MFGE8: variants seen among roughly 807,000 people sequenced by gnomAD.
MFGE8 encodes lactadherin.
MFGE8 carries 34 observed loss-of-function variants against 42.6 expected under a neutral mutation model. That is an observed-to-expected ratio of 0.80 (90% CI 0.61 to 1.06). The LOEUF (loss-of-function observed/expected upper bound fraction) is 1.06, where lower values mean the gene tolerates loss of function less well. MFGE8 is among the 50% of genes least tolerant of loss of function. MFGE8 has a pLI of 0.00. For synonymous variants in MFGE8, 230 were observed against 214.8 expected (o/e 1.07, Z -0.62); for missense variants, 510 against 516.9 (o/e 0.99, Z 0.13).
chr15:88,910,218 T>C (rs893912595), intron 1 of MFGE8: 34 of 382,866 alleles, frequency 8.9e-5, no homozygotes, highest in Non-Finnish European at 1.6e-4. Context: ...CACTGCCCAC[T>C]GGTGGAAGAG....
Position 88,908,583 on chromosome 15 carries a change from C to T in MFGE8, c.206-1207G>A, listed in dbSNP as rs114719693. ...CCTTCTTCCTGGGTGCAGCCATATC[C>T]AGCCTGGGGAAGATCCCAGGCCCAG... On this transcript the variant is annotated intron_variant, in intron 2 of 7. Coordinates refer to ENST00000268150, the MANE Select transcript of MFGE8 (RefSeq NM_005928.4). Among the ~76,000 whole-genome samples, 328 of 152,286 alleles carry T rather than the reference C, an allele frequency of 2.2e-3. 3 individuals carry two copies. Among genetic ancestry groups the T allele is most frequent in the African/African-American group, 7.5e-3 (311 of 41,574 alleles).
intron 1 of MFGE8, chr15:88,912,650 A>G (rs1596207195): frequency 1.0e-6 from 1 of 984,684 alleles, no homozygotes; most frequent in South Asian, 4.7e-5. Context: ...GAGTCAGGAG[A>G]CTCCCATCAG....
chr15:88,912,323 G>T, intron 1 of MFGE8: 2 of 1,263,576 alleles, frequency 1.6e-6, no homozygotes, highest in Non-Finnish European at 1.0e-6. Context: ...GCCGGGGAGG[G>T]CCAGGAGCTC....
Position 88,899,829 on chromosome 15 carries a change from C to A in MFGE8, c.871-18G>T. ...AGGTCCACCTACAGAAGAAACCAAC[C>A]ACATTTTCTCTGCTTGGACCATCTC... On this transcript the variant is annotated intron_variant, in intron 6 of 7. Transcript: ENST00000268150. The surrounding 1 kb of genome is among the most constrained non-coding windows in gnomAD (Gnocchi z 6.8). 6.2e-7 allele frequency: 1 copy of A among 1,613,886 alleles called. No homozygotes were observed. The highest frequency in any genetic ancestry group is 8.5e-7 in the Non-Finnish European group (1 of 1,179,816).
At chr15:88,911,464 T>C (rs937803447) in intron 1 of MFGE8, among the ~76,000 whole-genome samples, 18 of 152,174 alleles carry the variant, frequency 1.2e-4, no homozygotes, top group Admixed American at 9.8e-4. Context: ...GGCTCACACC[T>C]GTAATCCCAG....
intron 1 of MFGE8, chr15:88,911,985 T>C (rs1898982570): frequency 7.0e-6 from 4 of 574,330 alleles, no homozygotes; most frequent in South Asian, 1.7e-5. Flanking sequence ...GGGGCGAGCA[T>C]TGACACAGAC....
intron 2 of MFGE8, among the ~76,000 whole-genome samples, chr15:88,908,336 C>A (rs1278362007): frequency 6.6e-6 from 1 of 152,202 alleles, no homozygotes; most frequent in African/African-American, 2.4e-5. Flanking sequence ...GAGGCCAGAG[C>A]CTCAAGACCA....
intron 3 of MFGE8, 122 bp downstream of exon 3, chr15:88,907,073 G>T: frequency 1.6e-6 from 2 of 1,273,284 alleles, no homozygotes; most frequent in African/African-American, 1.5e-5. Context: ...TTCATCCATG[G>T]GAACCTGTTA....
rs1268329940 is a variant in MFGE8 at position 88,902,543 on chromosome 15, G to A, written c.686-808C>T. 1 of 152,250 alleles carries A rather than the reference G, an allele frequency of 6.6e-6. No individual in the cohort carries two copies. The highest frequency in any genetic ancestry group is 1.5e-5 in the Non-Finnish European group (1 of 68,078). The allele number at this position is 152,250 out of a possible 1,614,324, so 9.4% of individuals were successfully genotyped here. ...TTCCCCAGAAGCCCCCTGACTTAGT[G>A]TCTCCCAGAGGGCCTTCGCACACTC... is the stretch of plus-strand genomic sequence containing the variant. On this transcript the variant is annotated intron_variant, in intron 5 of 7. Coordinates refer to ENST00000268150, the MANE Select transcript of MFGE8 (RefSeq NM_005928.4). This position sits in a 1 kb window ranked among gnomAD's most constrained non-coding sequence, Gnocchi z 4.3.
At chr15:88,900,997 ACACATT>A (rs1898337447) in intron 6 of MFGE8, among the ~76,000 whole-genome samples, 1 of 109,894 alleles carries the variant, frequency 9.1e-6, no homozygotes, top group Non-Finnish European at 2.0e-5. Flanking sequence ...ATTCACACAC[ACACATT>A]CACACACACA....
chr15:88,907,217 T>C lies in MFGE8; in HGVS notation c.365A>G (p.Asn122Ser), dbSNP rs1188569492. ...GMVNAWTPSSNDDNPWIQVNL... is the reference protein window; with the variant it reads ...GMVNAWTPSSSDDNPWIQVNL... ...TACCTGGATCCAGGGGTTATCGTCA[T>C]TGCTGCTGGGTGTCCAGGCATTGAC... The change falls in exon 3 of 8, where the codon AAT becomes AGT. Residue 122 changes from asparagine to serine, a missense_variant. Asn to Ser is a conservative substitution (Grantham distance 46). Coordinates refer to ENST00000268150, the MANE Select transcript of MFGE8 (RefSeq NM_005928.4). 6.2e-7 allele frequency: 1 copy of C among 1,613,820 alleles called. No homozygotes were observed. The highest frequency in any genetic ancestry group is 8.5e-7 in the Non-Finnish European group (1 of 1,179,926).
intron 6 of MFGE8, among the ~76,000 whole-genome samples, chr15:88,901,073 TCACATA>T (rs768543979): frequency 0.084 from 5,371 of 64,004 alleles, 846 homozygotes; most frequent in South Asian, 0.2. Context: ...ACATACACAT[TCACATA>T]CACATTCACA....
At position 88,901,271 on chromosome 15, in the gene MFGE8, TCA is replaced by T. The variant is rs147572724; in HGVS notation, c.870+278_870+279del. ...CACGCACGCATTCACACGCACGCATTCACACACACTCACATTCACACACATTC... is the reference window on the plus strand; with the variant it reads ...CACGCACGCATTCACACGCACGCATTCACACACTCACATTCACACACATTC... On this transcript the variant is annotated intron_variant, in intron 6 of 7. Transcript: ENST00000268150. Among the ~76,000 whole-genome samples, 50 of 80,294 alleles carry T rather than the reference TCA, an allele frequency of 6.2e-4. 7 individuals are homozygous for T. Among genetic ancestry groups the T allele is most frequent in the South Asian group, 3.8e-3 (11 of 2,886 alleles). 52.7% of individuals were successfully genotyped at this position (80,294 alleles called of 152,430 possible).
At chr15:88,910,400 G>A (rs542962354) in intron 1 of MFGE8, 36 of 253,710 alleles carry the variant, frequency 1.4e-4, no homozygotes, top group South Asian at 1.4e-3. Flanking sequence ...TGCAGTCACA[G>A]ATGTCACCTC....
intron 1 of MFGE8, chr15:88,910,986 G>C (rs532542093): frequency 6.6e-6 from 1 of 152,218 alleles, no homozygotes; most frequent in South Asian, 2.1e-4. Flanking sequence ...TTCCAATTGC[G>C]GGATGAAGAA....
Position 88,902,132 on chromosome 15 carries a change from G to T in MFGE8, c.686-397C>A. Reference sequence around the variant, plus strand: ...CTTCCTCTTCTGGACTCACAGCACTGCCCCCATCGCCTCGGCCTCCCATCC... The same window carrying T: ...CTTCCTCTTCTGGACTCACAGCACTTCCCCCATCGCCTCGGCCTCCCATCC... On this transcript the variant is annotated intron_variant, in intron 5 of 7. Transcript: ENST00000268150. This position sits in a 1 kb window ranked among gnomAD's most constrained non-coding sequence, Gnocchi z 4.3. 3.8e-6 allele frequency: 1 copy of T among 264,478 alleles called. No homozygotes were observed. Among genetic ancestry groups the T allele is most frequent in the Non-Finnish European group, 7.5e-6 (1 of 133,218 alleles). 16.4% of individuals were successfully genotyped at this position (264,478 alleles called of 1,614,324 possible).
At chr15:88,911,395 C>A (rs964816657) in intron 1 of MFGE8, among the ~76,000 whole-genome samples, 5 of 152,214 alleles carry the variant, frequency 3.3e-5, no homozygotes, top group Admixed American at 6.5e-5. Context: ...AGACCCTACA[C>A]CCAAATCTGT....
chr15:88,906,454 G>A lies in MFGE8; in HGVS notation c.540+172C>T, dbSNP rs1184623133. 13 of 733,870 alleles carry A rather than the reference G, an allele frequency of 1.8e-5. No homozygotes were observed. The highest frequency in any genetic ancestry group is 2.7e-5 in the Non-Finnish European group (11 of 411,454). 45.5% of individuals were successfully genotyped at this position (733,870 alleles called of 1,614,324 possible). On this transcript the variant is annotated intron_variant, in intron 4 of 7. Coordinates refer to ENST00000268150, the MANE Select transcript of MFGE8 (RefSeq NM_005928.4). The surrounding 1 kb of genome is among the most constrained non-coding windows in gnomAD (Gnocchi z 4.2). ...GTGGGACTATTGCTTATAAACCACA[G>A]AACATGGACACAGTCTGGGTTTCCC...
In MFGE8 at chr15:88,899,903, G is replaced by GA. The variant is rs1259236000; in HGVS notation, c.871-93dup. The GA allele has an allele frequency of 4.1e-6, 6 of 1,470,246 alleles. No individual in the cohort carries two copies. The highest frequency in any genetic ancestry group is 2.8e-5 in the African/African-American group (2 of 71,542). The allele number at this position is 1,470,246 out of a possible 1,614,324, so 91.1% of individuals were successfully genotyped here. A position where few individuals can be genotyped will look rare whatever the true frequency, so the allele number is the denominator to read the frequency against. ...ACACTGAGGCATGAATTCTAGTTTTGAAAAAAACTACTTGGGTGAGCCTCA... is the reference window on the plus strand; with the variant it reads ...ACACTGAGGCATGAATTCTAGTTTTGAAAAAAAACTACTTGGGTGAGCCTCA... On this transcript the variant is annotated intron_variant, in intron 6 of 7. Coordinates refer to ENST00000268150, the MANE Select transcript of MFGE8 (RefSeq NM_005928.4). This position sits in a 1 kb window ranked among gnomAD's most constrained non-coding sequence, Gnocchi z 6.8.
Sources: gnomAD v4.1 joint callset for allele counts (sites outside exome capture counted in the v4.1 genomes callset) on GRCh38, gnomAD v4.1.1 for gene constraint, Gnocchi (gnomAD v3.1) non-coding constraint, MANE v1.5 for transcripts, NCBI Gene and HGNC (gene_info 2026-07-23, HGNC 2026-07-21) for gene names.